Variants in SCHIP1 observed in about 807,000 individuals in gnomAD.
The protein encoded by SCHIP1 is schwannomin interacting protein 1, also known as schwannomin-interacting protein 1.
In SCHIP1, 8 loss-of-function variants were observed where a neutral mutation model predicts 29.7. The observed-to-expected ratio is 0.27, with a 90% CI of 0.16 to 0.49. The LOEUF is 0.49. Among genes scored for constraint, SCHIP1 ranks in the 20% least tolerant of loss-of-function variants. SCHIP1 has a pLI of 0.99. For synonymous variants in SCHIP1, 76 were observed against 94.9 expected (o/e 0.80, Z 1.16); for missense variants, 193 against 294.6 (o/e 0.66, Z 2.52).
At chr3:159,449,919 G>C in the SCHIP1 span, among the ~76,000 whole-genome samples, 32 of 151,732 alleles carry the variant, frequency 2.1e-4, no homozygotes, top group African/African-American at 7.8e-4. Context: ...AGGGAAGAAA[G>C]AGAAGAGAAA....
At chr3:159,335,546 A>C in the SCHIP1 span, among the ~76,000 whole-genome samples, 1 of 151,872 alleles carries the variant, frequency 6.6e-6, no homozygotes, top group African/African-American at 2.4e-5. Context: ...TCCTGTGTCC[A>C]TGTGTTCTCA....
chr3:159,461,092 C>G, the SCHIP1 span, among the ~76,000 whole-genome samples: 1 of 152,260 alleles, frequency 6.6e-6, no homozygotes, highest in East Asian at 1.9e-4. Context: ...ACACTGATCT[C>G]TGGGGTCAAG....
chr3:159,548,977 T>C, the SCHIP1 span, among the ~76,000 whole-genome samples: 3 of 152,128 alleles, frequency 2.0e-5, no homozygotes, highest in African/African-American at 7.2e-5. Context: ...ACATTGTGAT[T>C]GTTATGCTGT....
chr3:159,491,399 C>A, the SCHIP1 span, among the ~76,000 whole-genome samples: 1 of 152,198 alleles, frequency 6.6e-6, no homozygotes, highest in African/African-American at 2.4e-5. Flanking sequence ...TCGGGTCACT[C>A]CCACCCTAAT....
chr3:159,427,162 C>A, the SCHIP1 span, among the ~76,000 whole-genome samples: 1 of 152,010 alleles, frequency 6.6e-6, no homozygotes, highest in Non-Finnish European at 1.5e-5. Flanking sequence ...CCCTCTCTCA[C>A]CACTCCTATT....
intron 1 of SCHIP1, among the ~76,000 whole-genome samples, chr3:159,841,108 A>T (rs1157309158): frequency 1.3e-5 from 2 of 152,192 alleles, no homozygotes; most frequent in Admixed American, 1.3e-4. Context: ...CTCTAACTTA[A>T]CAATGCTTCT....
the SCHIP1 span, among the ~76,000 whole-genome samples, chr3:159,545,495 C>T: frequency 6.6e-6 from 1 of 151,762 alleles, no homozygotes; most frequent in African/African-American, 2.4e-5. Flanking sequence ...TGGACTGGCT[C>T]TCTTTGCTCC....
the SCHIP1 span, among the ~76,000 whole-genome samples, chr3:159,537,268 C>T: frequency 1.3e-5 from 2 of 152,110 alleles, no homozygotes; most frequent in Admixed American, 6.6e-5. Flanking sequence ...GGAACATCAC[C>T]CCAAGTAGAA....
the SCHIP1 span, among the ~76,000 whole-genome samples, chr3:159,417,707 G>A: frequency 6.6e-6 from 1 of 152,168 alleles, no homozygotes; most frequent in Non-Finnish European, 1.5e-5. Context: ...ACCATGGGTA[G>A]TTGACCTGCT....
the SCHIP1 span, among the ~76,000 whole-genome samples, chr3:159,446,606 G>A: frequency 6.6e-6 from 1 of 151,868 alleles, no homozygotes; most frequent in East Asian, 1.9e-4. Flanking sequence ...AATACAATAA[G>A]GCAATACCAT....
At chr3:159,889,238 C>G (rs370628175) in intron 5 of SCHIP1, among the ~76,000 whole-genome samples, 1 of 152,228 alleles carries the variant, frequency 6.6e-6, no homozygotes, top group African/African-American at 2.4e-5. Flanking sequence ...TTCTGGAACA[C>G]AGTTCAGTAG....
chr3:159,588,310 G>C, the SCHIP1 span, among the ~76,000 whole-genome samples: 1 of 151,792 alleles, frequency 6.6e-6, no homozygotes, highest in African/African-American at 2.4e-5. Context: ...ACTTTTGAAT[G>C]AGGTTGTTTT....
the SCHIP1 span, among the ~76,000 whole-genome samples, chr3:159,510,011 GC>G: frequency 6.6e-6 from 1 of 152,100 alleles, no homozygotes; most frequent in African/African-American, 2.4e-5. Flanking sequence ...TTTAATGTTG[GC>G]CTGCCTTGCT....
intron 1 of SCHIP1, chr3:159,846,173 CA>C (rs1711810954): frequency 6.6e-6 from 1 of 152,160 alleles, no homozygotes; most frequent in African/African-American, 2.4e-5. Flanking sequence ...ATGAGTTTTG[CA>C]AAGTTTTAAT....
At chr3:159,445,287 C>A in the SCHIP1 span, among the ~76,000 whole-genome samples, 1 of 151,930 alleles carries the variant, frequency 6.6e-6, no homozygotes, top group African/African-American at 2.4e-5. Flanking sequence ...TGCTCACCAT[C>A]ACTGGCCATC....
the SCHIP1 span, among the ~76,000 whole-genome samples, chr3:159,693,653 T>G: frequency 6.6e-6 from 1 of 152,168 alleles, no homozygotes; most frequent in South Asian, 2.1e-4. Flanking sequence ...ATTGTGACTA[T>G]AGGTAGAGGT....
the SCHIP1 span, among the ~76,000 whole-genome samples, chr3:159,364,402 A>G: frequency 6.6e-6 from 1 of 152,238 alleles, no homozygotes; most frequent in Non-Finnish European, 1.5e-5. Context: ...AAAATAGCAT[A>G]TAAATGATCA....
At chr3:159,634,289 GGTTA>G in the SCHIP1 span, among the ~76,000 whole-genome samples, 5 of 151,648 alleles carry the variant, frequency 3.3e-5, 1 homozygote, top group South Asian at 1.0e-3. Flanking sequence ...AATGGAAGAG[GGTTA>G]GTTTACTTTT....
At chr3:159,712,741 GAAGGGAAAGA>G in the SCHIP1 span, among the ~76,000 whole-genome samples, 1 of 151,088 alleles carries the variant, frequency 6.6e-6, no homozygotes, top group African/African-American at 2.4e-5. Context: ...GAAGGGAAGG[GAAGGGAAAGA>G]AAGGGAAAGG....
Sources: gnomAD v4.1 joint callset for allele counts (sites outside exome capture counted in the v4.1 genomes callset) on GRCh38, gnomAD v4.1.1 for gene constraint, MANE v1.5 for transcripts, NCBI Gene and HGNC (gene_info 2026-07-23, HGNC 2026-07-21) for gene names.